The following MID1 variants were observed in gnomAD, a reference collection of about 807,000 sequenced individuals.
The protein encoded by MID1 is E3 ubiquitin-protein ligase Midline-1.
Under a neutral mutation model 40.4 loss-of-function variants are expected in MID1, and 7 were observed. The observed-to-expected ratio is 0.17, with a 90% CI of 0.10 to 0.33. The LOEUF is 0.33. Ranked by LOEUF, MID1 falls within the 10% of genes least tolerant of loss-of-function variation. MID1 has a pLI of 1.00. For synonymous variants in MID1, 229 were observed against 221.2 expected (o/e 1.04, Z -0.31); for missense variants, 367 against 558.5 (o/e 0.66, Z 3.46).
At chrX:10,468,633 A>G (rs188596249) in intron 7 of MID1, among the ~76,000 whole-genome samples, 1 of 111,748 alleles carries the variant, frequency 8.9e-6, no homozygotes, top group African/African-American at 3.2e-5. Context: ...TTCAATTTAA[A>G]TAACTCTGTG....
At chrX:10,511,338 G>T (rs1932146482) in intron 3 of MID1, among the ~76,000 whole-genome samples, 1 of 110,744 alleles carries the variant, frequency 9.0e-6, no homozygotes, top group Admixed American at 9.6e-5. Flanking sequence ...TAAATGCTAT[G>T]AACTATTAAC....
intron 1 of MID1, among the ~76,000 whole-genome samples, chrX:10,780,525 T>A (rs2043838237): frequency 8.9e-6 from 1 of 112,111 alleles, no homozygotes. Context: ...CACTTAGTCC[T>A]AAATAGAGAG....
chrX:10,691,944 G>A (rs1251273102), intron 1 of MID1, among the ~76,000 whole-genome samples: 2 of 111,485 alleles, frequency 1.8e-5, no homozygotes, highest in East Asian at 5.6e-4. Flanking sequence ...ATGCTGTTGA[G>A]ATAAGGACTG....
chrX:10,826,336 A>AC (rs2044216837), intron 1 of MID1, among the ~76,000 whole-genome samples: 1 of 111,572 alleles, frequency 9.0e-6, no homozygotes, highest in African/African-American at 3.3e-5. Context: ...AGCAGATATT[A>AC]TTTTTGCTTT....
intron 3 of MID1, among the ~76,000 whole-genome samples, chrX:10,496,140 G>C (rs990295034): frequency 2.7e-5 from 3 of 112,056 alleles, no homozygotes; most frequent in Non-Finnish European, 5.6e-5. Flanking sequence ...CAAATTTTCC[G>C]TAAGCAATGT....
chrX:10,553,508 A>G (rs994597800), intron 2 of MID1, among the ~76,000 whole-genome samples: 1 of 111,647 alleles, frequency 9.0e-6, no homozygotes, highest in Non-Finnish European at 1.9e-5. Flanking sequence ...CTAAATATGA[A>G]TATTAACTCG....
At chrX:10,669,205 G>T (rs189148141) in intron 1 of MID1, among the ~76,000 whole-genome samples, 1 of 90,727 alleles carries the variant, frequency 1.1e-5, no homozygotes, top group African/African-American at 4.3e-5. Flanking sequence ...CGGCCTGGGC[G>T]ACAGAGTGAG....
intron 1 of MID1, among the ~76,000 whole-genome samples, chrX:10,821,259 A>G (rs916306175): frequency 8.9e-5 from 10 of 112,340 alleles, no homozygotes; most frequent in Non-Finnish European, 1.7e-4. Flanking sequence ...TTCACTGCCT[A>G]AGAATAATCT....
At chrX:10,665,402 C>T (rs769979591) in intron 1 of MID1, among the ~76,000 whole-genome samples, 3 of 111,518 alleles carry the variant, frequency 2.7e-5, no homozygotes, top group African/African-American at 3.3e-5. Flanking sequence ...GAGGTGAATT[C>T]GGCTGGTTCT....
At chrX:10,771,501 T>A (rs2043768855) in intron 1 of MID1, among the ~76,000 whole-genome samples, 1 of 109,286 alleles carries the variant, frequency 9.2e-6, no homozygotes, top group African/African-American at 3.3e-5. Context: ...TATCTATGTT[T>A]TTTTTTTTTG....
At chrX:10,764,210 CT>C (rs2147122407) in intron 1 of MID1, among the ~76,000 whole-genome samples, 1 of 111,712 alleles carries the variant, frequency 9.0e-6, no homozygotes, top group South Asian at 3.7e-4. Flanking sequence ...GTTGCCATTG[CT>C]TTTGGTGTTG....
At chrX:10,459,568 GGAAAA>G in intron 8 of MID1, 73 bp downstream of exon 8, 2 of 1,083,106 alleles carry the variant, frequency 1.8e-6, no homozygotes, top group Non-Finnish European at 2.6e-6. Flanking sequence ...ACAGAGAAAA[GGAAAA>G]GAAAGGGGGA....
chrX:10,822,986 G>A (rs1303254526), intron 1 of MID1, among the ~76,000 whole-genome samples: 1 of 111,612 alleles, frequency 9.0e-6, no homozygotes, highest in Admixed American at 9.5e-5. Context: ...ATAACCAAAG[G>A]AATATAAATA....
Position 10,720,449 on chromosome X carries a change from G to A in MID1, c.-186-100030C>T, listed in dbSNP as rs772079549. ...GCAGCCAAAAGACACATGAAAAAAT[G>A]CTCATCATCACTGGCCATCAGAGAA... On this transcript the variant is annotated intron_variant, in intron 1 of 10. Transcript: ENST00000380785. 5.3e-3 allele frequency among the ~76,000 whole-genome samples: 601 copies of A among 112,391 alleles called. 2 individuals are homozygous for A. The highest frequency in any genetic ancestry group is 0.019 in the African/African-American group (581 of 30,889).
intron 1 of MID1, among the ~76,000 whole-genome samples, chrX:10,817,036 C>T (rs1335309697): frequency 8.9e-6 from 1 of 111,819 alleles, no homozygotes; most frequent in Non-Finnish European, 1.9e-5. Context: ...TATTTCAAGC[C>T]CTTTGATGTT....
intron 1 of MID1, among the ~76,000 whole-genome samples, chrX:10,649,763 T>C (rs1030330864): frequency 3.6e-5 from 4 of 111,936 alleles, no homozygotes; most frequent in African/African-American, 1.3e-4. Context: ...CTTTAGTTTG[T>C]TGAAAAATAA....
chrX:10,536,960 T>C (rs1369132371), intron 2 of MID1, among the ~76,000 whole-genome samples: 1 of 111,373 alleles, frequency 9.0e-6, no homozygotes, highest in Non-Finnish European at 1.9e-5. Flanking sequence ...AGAGAAGGTG[T>C]AAGGGGGTTA....
In MID1 at chrX:10,467,626, T is replaced by A. The variant is rs1206411446; in HGVS notation, c.1285+2071A>T. Among the ~76,000 whole-genome samples, 4 of 111,928 alleles carry A rather than the reference T, an allele frequency of 3.6e-5. No homozygotes were observed. In the Admixed American group the frequency reaches 3.8e-4, roughly 11 times the overall value. On this transcript the variant is annotated intron_variant, in intron 7 of 9. Transcript: ENST00000317552. ...CCCTGTTCCTCTCCACTCTCCACAG[T>A]GCTCCTGAGTCACCTTCTAGTTATA...
In MID1 at chrX:10,669,029, C is replaced by T. The variant is rs761451776; in HGVS notation, c.-186-48610G>A. Among the ~76,000 whole-genome samples the T allele has an allele frequency of 9.1e-3, 976 of 107,246 alleles. 11 individuals carry two copies. Among genetic ancestry groups the T allele is most frequent in the African/African-American group, 0.032 (927 of 29,294 alleles). 93.1% of individuals were successfully genotyped at this position (107,246 alleles called of 115,157 possible). The stretch of plus-strand genomic sequence containing the variant: ...GGTCAGGAGATCGAGACCATCCTGG[C>T]TAACAAGGTGAAACCCCGTCTCTAC... On this transcript the variant is annotated intron_variant, in intron 1 of 10. Coordinates refer to the MID1 transcript ENST00000380785.
Sources: allele counts gnomAD v4.1 joint callset (sites outside exome capture counted in the v4.1 genomes callset), GRCh38; gene constraint gnomAD v4.1.1; transcripts MANE v1.5; gene names NCBI Gene and HGNC (gene_info 2026-07-23, HGNC 2026-07-21).